PDGFRL: variants seen among roughly 807,000 people sequenced by gnomAD.
PDGFRL encodes platelet derived growth factor receptor like.
A neutral mutation model predicts 37.2 loss-of-function variants in PDGFRL; 46 were observed. The ratio of observed to expected loss-of-function variants is 1.24; its 90% confidence interval spans 0.98 to 1.58. PDGFRL has a LOEUF of 1.58. Ranked by LOEUF, PDGFRL falls within the 40% of genes most tolerant of loss-of-function variation. The probability of loss-of-function intolerance (pLI) is 0.00; values close to 1 mark genes in which losing one functional copy is unlikely to be tolerated. For synonymous variants in PDGFRL, 251 were observed against 184.3 expected (o/e 1.36, Z -2.93); for missense variants, 692 against 467.6 (o/e 1.48, Z -4.43).
chr8:17,631,363 G>C (rs1804857713), intron 4 of PDGFRL, among the ~76,000 whole-genome samples: 1 of 152,154 alleles, frequency 6.6e-6, no homozygotes. Context: ...GAGCTTCTCA[G>C]CCACCCTGTC....
At chr8:17,637,267 T>A (rs1312228291) in intron 5 of PDGFRL, among the ~76,000 whole-genome samples, 1 of 152,158 alleles carries the variant, frequency 6.6e-6, no homozygotes, top group Non-Finnish European at 1.5e-5. Context: ...TCTATGCCAA[T>A]TTTGCTGAGG....
intron 2 of PDGFRL, among the ~76,000 whole-genome samples, chr8:17,600,866 C>A (rs1346385535): frequency 6.6e-6 from 1 of 151,904 alleles, no homozygotes; most frequent in African/African-American, 2.4e-5. Context: ...CCTGTAGTCC[C>A]AGCTACTTGG....
intron 5 of PDGFRL, among the ~76,000 whole-genome samples, chr8:17,637,332 G>C (rs915758345): frequency 2.0e-5 from 3 of 152,142 alleles, no homozygotes; most frequent in African/African-American, 7.2e-5. Context: ...TGTGTCTGTT[G>C]AGATGATCAT....
intron 3 of PDGFRL, among the ~76,000 whole-genome samples, chr8:17,626,893 G>A (rs978985875): frequency 6.6e-6 from 1 of 152,180 alleles, no homozygotes; most frequent in Non-Finnish European, 1.5e-5. Context: ...ACCAGGCAGA[G>A]TAATTTCAGA....
chr8:17,638,576 A>G (rs1805020403), intron 5 of PDGFRL, among the ~76,000 whole-genome samples: 1 of 151,374 alleles, frequency 6.6e-6, no homozygotes, highest in Non-Finnish European at 1.5e-5. Flanking sequence ...TCTAGGTTAT[A>G]GTTTAAATCC....
intron 2 of PDGFRL, among the ~76,000 whole-genome samples, chr8:17,600,636 A>G (rs1264623272): frequency 1.1e-5 from 1 of 90,166 alleles, no homozygotes; most frequent in Admixed American, 9.6e-5. Flanking sequence ...CCCCATCTCT[A>G]AAAAAAAAAT....
intron 1 of PDGFRL, among the ~76,000 whole-genome samples, chr8:17,587,245 G>A (rs1320056813): frequency 6.6e-6 from 1 of 152,112 alleles, no homozygotes; most frequent in African/African-American, 2.4e-5. Flanking sequence ...AAATTATTTT[G>A]CATAGATAAT....
intron 4 of PDGFRL, among the ~76,000 whole-genome samples, chr8:17,631,583 G>C (rs1260931627): frequency 6.6e-6 from 1 of 151,398 alleles, no homozygotes; most frequent in Non-Finnish European, 1.5e-5. Flanking sequence ...CTGAATGAAA[G>C]AGCTCTCCAT....
At chr8:17,637,740 C>G (rs1490616481) in intron 5 of PDGFRL, among the ~76,000 whole-genome samples, 1 of 152,130 alleles carries the variant, frequency 6.6e-6, no homozygotes, top group African/African-American at 2.4e-5. Context: ...CCATTTCAAT[C>G]TCACTGCTTG....
chr8:17,581,498 T>C (rs1460845499), intron 1 of PDGFRL, among the ~76,000 whole-genome samples: 2 of 152,124 alleles, frequency 1.3e-5, no homozygotes, highest in African/African-American at 4.8e-5. Flanking sequence ...ACATCTTATG[T>C]TGAATTTTGA....
At chr8:17,638,760 T>TAC (rs1805027815) in intron 5 of PDGFRL, among the ~76,000 whole-genome samples, 1 of 112,700 alleles carries the variant, frequency 8.9e-6, no homozygotes, top group Non-Finnish European at 1.7e-5. Context: ...TATATATATA[T>TAC]ATATATATAT....
chr8:17,640,878 A>G (rs1376218081), intron 5 of PDGFRL, among the ~76,000 whole-genome samples: 1 of 152,100 alleles, frequency 6.6e-6, no homozygotes, highest in Non-Finnish European at 1.5e-5. Flanking sequence ...GGGTGGGTAG[A>G]AAAAGACCAT....
chr8:17,634,973 G>T (rs10594111), intron 5 of PDGFRL, among the ~76,000 whole-genome samples: 17,436 of 117,222 alleles, frequency 0.15, 1,154 homozygotes, highest in Non-Finnish European at 0.17. Flanking sequence ...AAAATAAAAG[G>T]TTTTTTTTTA....
Position 17,589,575 on chromosome 8 carries a change from A to C in PDGFRL, c.163A>C (p.Arg55=), listed in dbSNP as rs1406858350. The change falls in exon 2 of 6, where the codon AGG becomes CGG. Residue 55 remains arginine (R), a synonymous_variant. Coordinates refer to ENST00000251630, the MANE Select transcript of PDGFRL (RefSeq NM_001372073.1). ...GCCCAAAATTCCTAAAATGAAGGAC[A>C]GGGACTCAGCCAATTCAGCACCAAA... is the stretch of plus-strand genomic sequence containing the variant. ...VKPKIPKMKD[R]DSANSAPKTQ... The C allele has an allele frequency of 6.2e-7, 1 of 1,613,780 alleles. No homozygotes were observed. Among genetic ancestry groups the C allele is most frequent in the Non-Finnish European group, 8.5e-7 (1 of 1,179,646 alleles).
At chr8:17,631,654 C>T (rs1369599337) in intron 4 of PDGFRL, among the ~76,000 whole-genome samples, 1 of 152,166 alleles carries the variant, frequency 6.6e-6, no homozygotes, top group Non-Finnish European at 1.5e-5. Context: ...TGGCCTTCTC[C>T]CTTGACTTCC....
At chr8:17,589,447 C>G (rs1269602953) in intron 1 of PDGFRL, 21 bp from the exon 2 acceptor site, 1 of 1,583,090 alleles carries the variant, frequency 6.3e-7, no homozygotes, top group African/African-American at 1.4e-5. Context: ...CAGCGCATTT[C>G]TCTCTCCTTA....
At chr8:17,593,226 G>A (rs1317158528) in intron 2 of PDGFRL, among the ~76,000 whole-genome samples, 3 of 151,892 alleles carry the variant, frequency 2.0e-5, no homozygotes, top group Non-Finnish European at 4.4e-5. Flanking sequence ...CTGCTTGGAA[G>A]AAATCTGGAA....
At chr8:17,628,811 G>T in intron 4 of PDGFRL, 31 bp downstream of exon 4, 1 of 1,526,776 alleles carries the variant, frequency 6.5e-7, no homozygotes. Context: ...CTAGATTCTA[G>T]TTAGTCCCCT....
intron 3 of PDGFRL, among the ~76,000 whole-genome samples, chr8:17,622,020 TC>T (rs1220759242): frequency 6.6e-6 from 1 of 152,150 alleles, no homozygotes; most frequent in East Asian, 1.9e-4. Context: ...GGGGCAAGAT[TC>T]CCAAAGATTG....
Sources: allele counts gnomAD v4.1 joint callset (sites outside exome capture counted in the v4.1 genomes callset), GRCh38; gene constraint gnomAD v4.1.1; transcripts MANE v1.5; gene names NCBI Gene and HGNC (gene_info 2026-07-23, HGNC 2026-07-21).